The following KLF8 variants were observed in gnomAD, a reference collection of about 807,000 sequenced individuals.
The protein encoded by KLF8 is Krueppel-like factor 8.
A neutral mutation model predicts 18.2 loss-of-function variants in KLF8; 10 were observed. The observed-to-expected ratio is 0.55, with a 90% confidence interval of 0.34 to 0.93. KLF8 has a LOEUF of 0.93. KLF8 is among the 40% of genes least tolerant of loss of function. KLF8 has a pLI of 0.02. For synonymous variants in KLF8, 109 were observed against 97.3 expected (o/e 1.12, Z -0.71); for missense variants, 264 against 277.9 (o/e 0.95, Z 0.36).
the KLF8 span, among the ~76,000 whole-genome samples, chrX:56,184,732 T>A: frequency 8.9e-6 from 1 of 112,089 alleles, no homozygotes; most frequent in Non-Finnish European, 1.9e-5. Context: ...TCCGCTGTTC[T>A]GCAGCCACTG....
intron 2 of KLF8, among the ~76,000 whole-genome samples, chrX:56,258,832 A>G (rs2066842113): frequency 9.0e-6 from 1 of 111,595 alleles, no homozygotes; most frequent in African/African-American, 3.3e-5. Flanking sequence ...CTCAGGTGAC[A>G]AGGACCAGGA....
At chrX:55,964,803 A>G in the KLF8 span, among the ~76,000 whole-genome samples, 81 of 111,751 alleles carry the variant, frequency 7.2e-4, 1 homozygote, top group Middle Eastern at 4.6e-3. Flanking sequence ...TAGAAAACCT[A>G]GAACATATTC....
At chrX:56,072,299 T>C in the KLF8 span, among the ~76,000 whole-genome samples, 1 of 111,994 alleles carries the variant, frequency 8.9e-6, no homozygotes, top group Admixed American at 9.5e-5. Context: ...AATCATTACA[T>C]TTTTAGTTTA....
At chrX:56,011,864 G>T in the KLF8 span, among the ~76,000 whole-genome samples, 1 of 111,633 alleles carries the variant, frequency 9.0e-6, no homozygotes. Flanking sequence ...AGAAAAAATT[G>T]ATAAATTCCT....
chrX:56,202,909 A>T, the KLF8 span, among the ~76,000 whole-genome samples: 4 of 111,135 alleles, frequency 3.6e-5, no homozygotes, highest in African/African-American at 1.3e-4. Context: ...TATCTCTTTG[A>T]TATACTGATT....
At chrX:56,254,581 T>C (rs2066763976) in intron 2 of KLF8, among the ~76,000 whole-genome samples, 1 of 111,327 alleles carries the variant, frequency 9.0e-6, no homozygotes, top group Non-Finnish European at 1.9e-5. Flanking sequence ...GGTTACACAA[T>C]GAATCAAAGG....
At chrX:56,246,862 G>C (rs1331469674) in intron 1 of KLF8, among the ~76,000 whole-genome samples, 2 of 111,074 alleles carry the variant, frequency 1.8e-5, no homozygotes, top group Non-Finnish European at 3.8e-5. Context: ...AGGTGGAGCA[G>C]GTTTGTGAAC....
the KLF8 span, among the ~76,000 whole-genome samples, chrX:56,039,935 C>T: frequency 9.0e-6 from 1 of 111,294 alleles, no homozygotes; most frequent in Non-Finnish European, 1.9e-5. Context: ...TGAAGAGGTC[C>T]TTCACTTTTC....
chrX:56,170,631 A>G, the KLF8 span, among the ~76,000 whole-genome samples: 2 of 110,369 alleles, frequency 1.8e-5, no homozygotes, highest in African/African-American at 6.6e-5. Flanking sequence ...TTAAAAATAT[A>G]TGGTTAGAAG....
At chrX:55,967,188 A>G in the KLF8 span, among the ~76,000 whole-genome samples, 4 of 111,803 alleles carry the variant, frequency 3.6e-5, no homozygotes, top group Non-Finnish European at 7.5e-5. Context: ...AGATGTGGAT[A>G]GAGAGTTTAT....
At chrX:56,189,036 C>A in the KLF8 span, among the ~76,000 whole-genome samples, 341 of 111,321 alleles carry the variant, frequency 3.1e-3, 3 homozygotes, top group African/African-American at 0.011. Flanking sequence ...TAATTAAACT[C>A]AAGAGCTTCT....
At chrX:55,999,722 C>T in the KLF8 span, among the ~76,000 whole-genome samples, 7 of 110,968 alleles carry the variant, frequency 6.3e-5, no homozygotes. Context: ...TTAATGAATT[C>T]ATTTATCAAA....
the KLF8 span, among the ~76,000 whole-genome samples, chrX:56,162,109 C>T: frequency 1.8e-5 from 2 of 111,817 alleles, no homozygotes; most frequent in Non-Finnish European, 3.8e-5. Flanking sequence ...GCAAATGTTG[C>T]TGCCTGAACG....
chrX:55,939,144 A>T, the KLF8 span, among the ~76,000 whole-genome samples: 1 of 111,984 alleles, frequency 8.9e-6, no homozygotes, highest in African/African-American at 3.2e-5. Flanking sequence ...TCCTCAGCAA[A>T]TGTAAAAGAA....
chrX:56,072,273 T>A, the KLF8 span, among the ~76,000 whole-genome samples: 109 of 111,890 alleles, frequency 9.7e-4, no homozygotes, highest in African/African-American at 3.5e-3. Flanking sequence ...ATCAAGAACT[T>A]TTGATTAAAT....
At chrX:56,188,969 T>C in the KLF8 span, among the ~76,000 whole-genome samples, 1 of 111,647 alleles carries the variant, frequency 9.0e-6, no homozygotes, top group Non-Finnish European at 1.9e-5. Context: ...GGCAAGGACT[T>C]CATGTCTAAA....
the KLF8 span, among the ~76,000 whole-genome samples, chrX:55,994,590 G>A: frequency 8.1e-5 from 9 of 110,632 alleles, no homozygotes; most frequent in South Asian, 3.5e-3. Flanking sequence ...CACTGCTTTA[G>A]CTGTGTCCCA....
the KLF8 span, among the ~76,000 whole-genome samples, chrX:55,999,285 A>ATTTTTTTTTTTTTTTTTTTTTTTTTT: frequency 6.0e-4 from 20 of 33,536 alleles, 4 homozygotes; most frequent in African/African-American, 1.3e-3. Context: ...ATGCCTCCAG[A>ATTTTTTTTTTTTTTTTTTTTTTTTTT]TTTTTTTTTT....
the KLF8 span, among the ~76,000 whole-genome samples, chrX:56,042,305 T>A: frequency 3.6e-5 from 4 of 111,996 alleles, no homozygotes; most frequent in East Asian, 1.1e-3. Flanking sequence ...TTATGATGAA[T>A]TTTTTAGTAA....
Sources: allele counts gnomAD v4.1 joint callset (sites outside exome capture counted in the v4.1 genomes callset), GRCh38; gene constraint gnomAD v4.1.1; transcripts MANE v1.5; gene names NCBI Gene and HGNC (gene_info 2026-07-23, HGNC 2026-07-21).